Variants in PXT1 observed in about 807,000 individuals in gnomAD.
PXT1 encodes peroxisomal testis-specific protein 1.
A neutral mutation model predicts 11.0 loss-of-function variants in PXT1; 11 were observed. The observed-to-expected ratio is 1.00, with a 90% CI of 0.63 to 1.66. PXT1 has a LOEUF of 1.66. PXT1 is among the 40% of genes most tolerant of loss of function. PXT1 has a pLI of 0.00. For missense variants in PXT1, 141 were observed against 155.5 expected, an observed-to-expected ratio of 0.91 and a Z score of 0.49; for synonymous variants, 43 against 51.4, an observed-to-expected ratio of 0.84 and a Z score of 0.70.
intron 3 of PXT1, among the ~76,000 whole-genome samples, chr6:36,409,243 A>G (rs1774332965): frequency 6.6e-6 from 1 of 152,218 alleles, no homozygotes; most frequent in South Asian, 2.1e-4. Flanking sequence ...CAAGGCCAGA[A>G]CACTGAAGAG....
intron 2 of PXT1, among the ~76,000 whole-genome samples, chr6:36,426,412 C>T (rs571682699): frequency 7.6e-6 from 1 of 132,402 alleles, no homozygotes; most frequent in African/African-American, 2.9e-5. Context: ...CTCTTGTTGC[C>T]CAGGCTGGAG....
At chr6:36,435,987 C>G (rs1774756668) in intron 2 of PXT1, among the ~76,000 whole-genome samples, 1 of 151,494 alleles carries the variant, frequency 6.6e-6, no homozygotes, top group Admixed American at 6.6e-5. Context: ...GAGATGAAAG[C>G]AGGGATCCTG....
intron 4 of PXT1, among the ~76,000 whole-genome samples, chr6:36,395,970 A>G (rs931819332): frequency 1.3e-5 from 2 of 152,146 alleles, no homozygotes; most frequent in African/African-American, 4.8e-5. Context: ...TGTACTCCAA[A>G]TTGGGCAACA....
At chr6:36,411,112 C>T (rs1476934581) in intron 3 of PXT1, among the ~76,000 whole-genome samples, 1 of 152,054 alleles carries the variant, frequency 6.6e-6, no homozygotes, top group African/African-American at 2.4e-5. Context: ...TAGTAGTAAA[C>T]AAAATAATGG....
At chr6:36,410,144 GGAGA>G (rs146278596) in intron 3 of PXT1, among the ~76,000 whole-genome samples, 12 of 140,556 alleles carry the variant, frequency 8.5e-5, no homozygotes, top group East Asian at 4.4e-4. Context: ...AAGGAAGGAA[GGAGA>G]GAGAGAGAGA....
chr6:36,437,781 G>A (rs959507524), intron 2 of PXT1, among the ~76,000 whole-genome samples: 18 of 143,970 alleles, frequency 1.3e-4, no homozygotes, highest in Non-Finnish European at 2.2e-4. Context: ...CTCCCAATGT[G>A]CTGGGATTAC....
At chr6:36,391,928 A>G in intron 4 of PXT1, 54 bp from the exon 5 acceptor site, 1 of 1,088,688 alleles carries the variant, frequency 9.2e-7, no homozygotes, top group Non-Finnish European at 1.4e-6. Flanking sequence ...TTTAAAAGTG[A>G]TAGAATAATC....
rs1774070145 is a variant in PXT1, at chr6:36,391,781, G to A, written c.394C>T (p.His132Tyr). Residue 132 changes from histidine to tyrosine, a missense_variant, in exon 5 of 5, where the codon CAT becomes TAT. Physicochemically the swap from His to Tyr is moderately conservative, Grantham distance 83 (BLOSUM62 2). Coordinates refer to ENST00000454782, the MANE Select transcript of PXT1 (RefSeq NM_152990.4). The part of the protein sequence containing the change: ...QVLLHFFWNN[H>Y]LL ...CCTTTACTTTCCTTTTACAGCAAATGGTTGTTCCAGAAAAAATGCAGCAAC... is the reference window on the plus strand; with the variant it reads ...CCTTTACTTTCCTTTTACAGCAAATAGTTGTTCCAGAAAAAATGCAGCAAC... The A allele has an allele frequency of 6.2e-7, 1 of 1,610,296 alleles. No homozygotes were observed. The highest frequency in any genetic ancestry group is 8.5e-7 in the Non-Finnish European group (1 of 1,176,908).
At chr6:36,417,972 G>T (rs12181960) in intron 3 of PXT1, among the ~76,000 whole-genome samples, 1 of 151,340 alleles carries the variant, frequency 6.6e-6, no homozygotes, top group African/African-American at 2.4e-5. Context: ...TGAGGCGGGC[G>T]GATCACAAGG....
At chr6:36,420,188 T>G (rs143686958) in intron 3 of PXT1, among the ~76,000 whole-genome samples, 10 of 152,212 alleles carry the variant, frequency 6.6e-5, no homozygotes, top group Admixed American at 2.0e-4. Context: ...TATCTATCTA[T>G]CTATCAATCA....
At chr6:36,404,181 G>A (rs762565581) in intron 3 of PXT1, among the ~76,000 whole-genome samples, 2 of 152,180 alleles carry the variant, frequency 1.3e-5, no homozygotes, top group African/African-American at 2.4e-5. Context: ...TTCAAGTCTT[G>A]TTGAAAATTT....
chr6:36,419,176 A>C (rs189449656), intron 3 of PXT1, among the ~76,000 whole-genome samples: 1 of 152,352 alleles, frequency 6.6e-6, no homozygotes, highest in Admixed American at 6.5e-5. Context: ...CCCAGGAGAG[A>C]AGGTGCCCAG....
chr6:36,400,385 G>A, intron 4 of PXT1, 69 bp downstream of exon 4: 1 of 1,563,196 alleles, frequency 6.4e-7, no homozygotes, highest in Non-Finnish European at 8.8e-7. Context: ...TCAGACACTT[G>A]GCAGCCGTAG....
chr6:36,416,439 A>G (rs1185170055), intron 3 of PXT1, among the ~76,000 whole-genome samples: 3 of 152,178 alleles, frequency 2.0e-5, no homozygotes, highest in Non-Finnish European at 2.9e-5. Context: ...GAGAAGAGAA[A>G]AATATGTATT....
At chr6:36,396,671 G>A (rs7771459) in intron 4 of PXT1, among the ~76,000 whole-genome samples, 73,930 of 152,038 alleles carry the variant, frequency 0.49, 18,273 homozygotes, top group Middle Eastern at 0.58. Flanking sequence ...CCCACCCATG[G>A]CCACCCATCG....
At chr6:36,432,020 G>A (rs753937925) in intron 2 of PXT1, among the ~76,000 whole-genome samples, 1 of 151,916 alleles carries the variant, frequency 6.6e-6, no homozygotes, top group Non-Finnish European at 1.5e-5. Context: ...GCAGTGAGCC[G>A]AGATTGCGCC....
chr6:36,391,705 G>A lies in PXT1; in HGVS notation c.*65C>T. 9.6e-7 allele frequency: 1 copy of A among 1,041,638 alleles called. No homozygotes were observed. Among genetic ancestry groups the A allele is most frequent in the Non-Finnish European group, 1.5e-6 (1 of 659,640 alleles). The allele number at this position is 1,041,638 out of a possible 1,614,324, so 64.5% of individuals were successfully genotyped here. ...GGGTGTTCTTCCCATCTGTCCCAGTGGGATTCATGTTTCTCAGAGGGTAAA... is the reference window on the plus strand; with the variant it reads ...GGGTGTTCTTCCCATCTGTCCCAGTAGGATTCATGTTTCTCAGAGGGTAAA... On this transcript the variant is annotated 3_prime_UTR_variant, in exon 5 of 5. Coordinates refer to ENST00000454782, the MANE Select transcript of PXT1 (RefSeq NM_152990.4).
intron 4 of PXT1, among the ~76,000 whole-genome samples, chr6:36,393,880 ACT>A (rs1774106180): frequency 6.6e-6 from 1 of 151,868 alleles, no homozygotes; most frequent in African/African-American, 2.4e-5. Context: ...TTGTGTAGAT[ACT>A]GTTTGTCTCC....
chr6:36,423,564 T>C lies in PXT1; in HGVS notation c.169+2350A>G, dbSNP rs548808382. Among the ~76,000 whole-genome samples, 4 of 152,334 alleles carry C rather than the reference T, an allele frequency of 2.6e-5. No homozygotes were observed. The East Asian group carries it at 5.8e-4, about 22-fold the overall frequency. ...AGTTAGGGAGGCCGGGTTCCCGAAT[T>C]ACACACACCAGCGTTATTTATTCTA... On this transcript the variant is annotated intron_variant, in intron 3 of 4. Transcript: ENST00000454782.
Sources: gnomAD v4.1 joint callset for allele counts (sites outside exome capture counted in the v4.1 genomes callset) on GRCh38, gnomAD v4.1.1 for gene constraint, MANE v1.5 for transcripts, NCBI Gene and HGNC (gene_info 2026-07-23, HGNC 2026-07-21) for gene names.